CDH4: variants seen among roughly 807,000 people sequenced by gnomAD.
The protein encoded by CDH4 is cadherin-4.
In CDH4, 33 loss-of-function variants were observed where a neutral mutation model predicts 86.0. The ratio of observed to expected loss-of-function variants is 0.38; its 90% CI spans 0.29 to 0.51. The LOEUF is 0.51. CDH4 is among the 20% of genes least tolerant of loss of function. The pLI, the probability that CDH4 is intolerant of heterozygous loss-of-function variation, is 0.86. For missense variants in CDH4, 1,114 were observed against 1,307.4 expected (o/e 0.85, Z 2.28); for synonymous variants, 555 against 549.4 (o/e 1.01, Z -0.14).
chr20:61,498,026 G>A (rs1040618008), intron 2 of CDH4, among the ~76,000 whole-genome samples: 9 of 133,974 alleles, frequency 6.7e-5, no homozygotes, highest in African/African-American at 2.3e-4. Context: ...ATGGACACAG[G>A]AAGGGGAACA....
At chr20:61,882,565 C>A (rs1459297987) in intron 7 of CDH4, among the ~76,000 whole-genome samples, 3 of 152,346 alleles carry the variant, frequency 2.0e-5, no homozygotes, top group Non-Finnish European at 2.9e-5. Flanking sequence ...CCACCCAGGG[C>A]TCTGAAGCCC....
intron 2 of CDH4, among the ~76,000 whole-genome samples, chr20:61,456,823 T>C (rs969128376): frequency 9.2e-5 from 14 of 152,180 alleles, no homozygotes; most frequent in African/African-American, 3.4e-4. Context: ...TGTGCTTATG[T>C]GAAGACACAG....
At chr20:61,485,788 G>GTTTCTCTCAGCACTTGCCCCA (rs2085593083) in intron 2 of CDH4, among the ~76,000 whole-genome samples, 1 of 152,252 alleles carries the variant, frequency 6.6e-6, no homozygotes, top group African/African-American at 2.4e-5. Flanking sequence ...CACGGGCCCT[G>GTTTCTCTCAGCACTTGCCCCA]TTTCTCTCAG....
At position 61,323,023 on chromosome 20, in the gene CDH4, T is replaced by C. The variant is rs374646823; in HGVS notation, c.169+68086T>C. Among the ~76,000 whole-genome samples, 4 of 152,194 alleles carry C rather than the reference T, an allele frequency of 2.6e-5. No individual in the cohort carries two copies. In the East Asian group the frequency reaches 5.8e-4, roughly 22 times the overall value. ...ATTTCACAGGTGCAGAGTTGAGACTTCCAGCCAGCATCCAAGGGCCTGAGC... is the reference window on the plus strand; with the variant it reads ...ATTTCACAGGTGCAGAGTTGAGACTCCCAGCCAGCATCCAAGGGCCTGAGC... On this transcript the variant is annotated intron_variant, in intron 2 of 15. Coordinates refer to ENST00000614565, the MANE Select transcript of CDH4 (RefSeq NM_001794.5).
intron 2 of CDH4, chr20:61,738,307 G>A (rs76024134): frequency 0.056 from 8,527 of 152,260 alleles, 324 homozygotes; most frequent in Non-Finnish European, 0.08. Flanking sequence ...AGATGCGTGC[G>A]GCAGGTAGCG....
intron 2 of CDH4, among the ~76,000 whole-genome samples, chr20:61,383,395 GAT>G (rs1568822650): frequency 1.7e-3 from 3 of 1,728 alleles, no homozygotes; most frequent in Non-Finnish European, 4.8e-3. Context: ...ATGAATATAT[GAT>G]ATATATGAAT....
At chr20:61,461,242 G>A (rs1419761551) in intron 2 of CDH4, among the ~76,000 whole-genome samples, 1 of 152,012 alleles carries the variant, frequency 6.6e-6, no homozygotes, top group African/African-American at 2.4e-5. Flanking sequence ...AGGTGCATCA[G>A]CAAGAAAGAC....
At chr20:61,559,044 C>T (rs967984365) in intron 2 of CDH4, among the ~76,000 whole-genome samples, 1 of 152,194 alleles carries the variant, frequency 6.6e-6, no homozygotes, top group Non-Finnish European at 1.5e-5. Flanking sequence ...CTGGGCCGGG[C>T]GCAGTGGCTC....
At position 61,565,395 on chromosome 20, in the gene CDH4, A is replaced by C. The variant is rs28374177; in HGVS notation, c.170-178168A>C. Among the ~76,000 whole-genome samples, 50 of 15,080 alleles carry C rather than the reference A, an allele frequency of 3.3e-3. 11 individuals are homozygous for C. The East Asian group carries it at 0.062, about 19-fold the overall frequency. The allele number at this position is 15,080 out of a possible 152,430, so 9.9% of individuals were successfully genotyped here. A position where few individuals can be genotyped will look rare whatever the true frequency, so the allele number is the denominator to read the frequency against. Reference sequence around the variant, plus strand: ...TGGTGGTCCTCTTGGTGATGGGGTGATGGTGGTGGCGGTGCTCTTGCTATT... The same window carrying C: ...TGGTGGTCCTCTTGGTGATGGGGTGCTGGTGGTGGCGGTGCTCTTGCTATT... On this transcript the variant is annotated intron_variant, in intron 2 of 15. Coordinates refer to ENST00000614565, the MANE Select transcript of CDH4 (RefSeq NM_001794.5).
intron 6 of CDH4, among the ~76,000 whole-genome samples, chr20:61,860,501 G>A (rs1289728009): frequency 6.6e-6 from 1 of 152,234 alleles, no homozygotes; most frequent in Non-Finnish European, 1.5e-5. Flanking sequence ...GGCCTGCCAG[G>A]AGGACTTGGG....
chr20:61,844,579 A>T, intron 4 of CDH4, 89 bp from the exon 5 acceptor site: 1 of 1,244,092 alleles, frequency 8.0e-7, no homozygotes, highest in Non-Finnish European at 1.1e-6. Context: ...AGCTCGAGGA[A>T]CTCATGAGAG....
chr20:61,460,598 C>T (rs969037001), intron 2 of CDH4, among the ~76,000 whole-genome samples: 4 of 152,180 alleles, frequency 2.6e-5, no homozygotes, highest in African/African-American at 7.2e-5. Context: ...AAGGCCAGGC[C>T]GCCCTGTCCA....
chr20:61,317,440 T>C (rs912165967), intron 2 of CDH4, among the ~76,000 whole-genome samples: 20 of 152,138 alleles, frequency 1.3e-4, no homozygotes, highest in Non-Finnish European at 2.4e-4. Flanking sequence ...CATTGAAGTG[T>C]TTATTAGCAG....
At chr20:61,837,665 G>A (rs1331897284) in intron 4 of CDH4, among the ~76,000 whole-genome samples, 4 of 152,134 alleles carry the variant, frequency 2.6e-5, no homozygotes, top group Non-Finnish European at 5.9e-5. Flanking sequence ...CACAAGGCTG[G>A]GAACTGTGAT....
At chr20:61,874,079 G>A (rs550587051) in intron 7 of CDH4, among the ~76,000 whole-genome samples, 179 bp downstream of exon 7, 9 of 152,298 alleles carry the variant, frequency 5.9e-5, no homozygotes, top group South Asian at 2.1e-4. Context: ...ACTCAGCACC[G>A]GCTGCTATGA....
intron 2 of CDH4, among the ~76,000 whole-genome samples, chr20:61,401,582 T>C (rs535486491): frequency 1.4e-4 from 22 of 152,242 alleles, no homozygotes; most frequent in Non-Finnish European, 2.9e-4. Flanking sequence ...TGTGGCTGGA[T>C]CCAGGTTTTC....
intron 2 of CDH4, among the ~76,000 whole-genome samples, chr20:61,500,770 C>A (rs1351516067): frequency 2.0e-5 from 3 of 152,232 alleles, no homozygotes; most frequent in Non-Finnish European, 4.4e-5. Flanking sequence ...CTGTTTCCTT[C>A]ATATCGTTGG....
intron 2 of CDH4, among the ~76,000 whole-genome samples, chr20:61,534,228 T>A (rs1304982929): frequency 1.3e-5 from 2 of 152,250 alleles, no homozygotes; most frequent in Non-Finnish European, 2.9e-5. Flanking sequence ...ACTTTGTGGC[T>A]TAAAATATGA....
intron 2 of CDH4, among the ~76,000 whole-genome samples, chr20:61,662,193 C>A (rs187571825): frequency 1.1e-4 from 16 of 152,256 alleles, no homozygotes; most frequent in African/African-American, 2.9e-4. Flanking sequence ...GCTGGTAGAC[C>A]ATGCTTTGAG....
Sources: gnomAD v4.1 joint callset for allele counts (sites outside exome capture counted in the v4.1 genomes callset) on GRCh38, gnomAD v4.1.1 for gene constraint, MANE v1.5 for transcripts, NCBI Gene and HGNC (gene_info 2026-07-23, HGNC 2026-07-21) for gene names.